Variants in MED12L observed in about 807,000 individuals in gnomAD.
MED12L encodes the protein mediator complex subunit 12L, also known as mediator of RNA polymerase II transcription subunit 12-like protein.
Under a neutral mutation model 281.3 loss-of-function variants are expected in MED12L, and 60 were observed. The observed-to-expected ratio is 0.21, with a 90% confidence interval of 0.17 to 0.26. The LOEUF (loss-of-function observed/expected upper bound fraction) is 0.26, where lower values mean the gene tolerates loss of function less well. MED12L is among the 10% of genes least tolerant of loss of function. The pLI is 1.00. For missense variants in MED12L, 2,146 were observed against 2,680.9 expected, an observed-to-expected ratio of 0.80 and a Z score of 4.41; for synonymous variants, 974 against 987.2, an observed-to-expected ratio of 0.99 and a Z score of 0.25.
intron 39 of MED12L, 44 bp downstream of exon 39, chr3:151,394,911 C>G (rs369001885): frequency 1.9e-6 from 3 of 1,609,812 alleles, no homozygotes; most frequent in Non-Finnish European, 1.7e-6. Flanking sequence ...ATTTTATTAC[C>G]TCTGCTAGCT....
At chr3:151,191,217 C>G (rs934558951) in intron 14 of MED12L, among the ~76,000 whole-genome samples, 1 of 152,162 alleles carries the variant, frequency 6.6e-6, no homozygotes, top group African/African-American at 2.4e-5. Context: ...CTAGATGTTT[C>G]TAATCTCTAG....
At chr3:151,344,458 A>G (rs1160451182) in intron 16 of MED12L, among the ~76,000 whole-genome samples, 1 of 152,200 alleles carries the variant, frequency 6.6e-6, no homozygotes, top group East Asian at 1.9e-4. Context: ...ATTGAAAGAT[A>G]CAGCTGAAAG....
At chr3:151,212,036 A>G (rs1438192757) in intron 16 of MED12L, 1 of 152,238 alleles carries the variant, frequency 6.6e-6, no homozygotes, top group Non-Finnish European at 1.5e-5. Context: ...ATAATTGAGC[A>G]TATAAAGAAA....
intron 16 of MED12L, among the ~76,000 whole-genome samples, chr3:151,287,151 G>A (rs1445347267): frequency 1.3e-5 from 2 of 152,198 alleles, no homozygotes; most frequent in Non-Finnish European, 2.9e-5. Flanking sequence ...AATGTTAAAA[G>A]TTCTAGAAAA....
intron 20 of MED12L, 124 bp downstream of exon 20, chr3:151,357,500 G>T: frequency 1.2e-6 from 1 of 804,048 alleles, no homozygotes; most frequent in Non-Finnish European, 1.8e-6. Flanking sequence ...CATGGTTAAA[G>T]AACACTCTTG....
At position 151,190,840 on chromosome 3, in the gene MED12L, A is replaced by G. The variant is rs1169986692; in HGVS notation, c.1877A>G (p.Asp626Gly). 1 of 1,613,890 alleles carries G rather than the reference A, an allele frequency of 6.2e-7. No homozygotes were observed. Among genetic ancestry groups the G allele is most frequent in the African/African-American group, 1.3e-5 (1 of 74,848 alleles). Residue 626 changes from aspartate to glycine, a missense_variant, in exon 14 of 45, where the codon GAT (aspartate) becomes GGT (glycine). Coordinates refer to ENST00000687756, the MANE Select transcript of MED12L (RefSeq NM_001393769.1). ...ATGTGTACCCTCATATCTCGAGGAG[A>G]TTTGTCAGTCACTGCCTCAACTCGG... is the stretch of plus-strand genomic sequence containing the variant. ...AYMCTLISRG[D>G]LSVTASTRPR...
intron 16 of MED12L, among the ~76,000 whole-genome samples, chr3:151,209,774 C>T (rs1485459587): frequency 6.6e-6 from 1 of 152,162 alleles, no homozygotes; most frequent in East Asian, 1.9e-4. Context: ...ATGACACATA[C>T]TTGACTAACA....
chr3:151,131,817 A>G (rs915142171), intron 5 of MED12L, among the ~76,000 whole-genome samples: 10 of 151,904 alleles, frequency 6.6e-5, no homozygotes, highest in African/African-American at 2.4e-4. Flanking sequence ...TTTTACCATT[A>G]ATTTCCTTAT....
intron 16 of MED12L, among the ~76,000 whole-genome samples, chr3:151,266,066 G>A (rs1486897985): frequency 1.3e-5 from 2 of 152,146 alleles, no homozygotes; most frequent in African/African-American, 4.8e-5. Flanking sequence ...GTGTGCACAG[G>A]TGCCCTTGGC....
At chr3:151,225,370 C>G (rs895942210) in intron 16 of MED12L, among the ~76,000 whole-genome samples, 6 of 152,146 alleles carry the variant, frequency 3.9e-5, no homozygotes, top group African/African-American at 1.4e-4. Flanking sequence ...TCTGGATTCT[C>G]TGAAGCTCAA....
At chr3:151,116,969 T>G (rs1446240416) in intron 3 of MED12L, among the ~76,000 whole-genome samples, 1 of 152,190 alleles carries the variant, frequency 6.6e-6, no homozygotes, top group Non-Finnish European at 1.5e-5. Flanking sequence ...AGGTGATAAT[T>G]TGAGAGGATA....
At chr3:151,223,784 A>G (rs374992849) in intron 16 of MED12L, among the ~76,000 whole-genome samples, 1 of 152,212 alleles carries the variant, frequency 6.6e-6, no homozygotes, top group Non-Finnish European at 1.5e-5. Flanking sequence ...CCAAAAGCTC[A>G]GTGTCACACA....
chr3:151,223,509 C>T (rs1358490531), intron 16 of MED12L, among the ~76,000 whole-genome samples: 2 of 152,158 alleles, frequency 1.3e-5, no homozygotes, highest in African/African-American at 4.8e-5. Context: ...ACTATGCAGC[C>T]ATACAAAAGA....
intron 43 of MED12L, among the ~76,000 whole-genome samples, chr3:151,416,961 C>T (rs1717635856): frequency 6.6e-6 from 1 of 152,204 alleles, no homozygotes; most frequent in Non-Finnish European, 1.5e-5. Flanking sequence ...TCAAAGTTTT[C>T]TAAACCTCAG....
At chr3:151,336,169 A>G (rs576674394) in intron 16 of MED12L, among the ~76,000 whole-genome samples, 1 of 152,318 alleles carries the variant, frequency 6.6e-6, no homozygotes, top group East Asian at 1.9e-4. Flanking sequence ...GTATTCCTAT[A>G]GAACATGTAA....
intron 2 of MED12L, among the ~76,000 whole-genome samples, chr3:151,100,973 A>G (rs879411603): frequency 1.1e-4 from 17 of 152,210 alleles, no homozygotes; most frequent in African/African-American, 1.7e-4. Flanking sequence ...TTAATTTTCA[A>G]TCTGTTGTAG....
chr3:151,165,651 C>A, intron 10 of MED12L, 132 bp downstream of exon 10: 3 of 942,550 alleles, frequency 3.2e-6, no homozygotes, highest in South Asian at 1.6e-5. Context: ...TGAGGACAAT[C>A]TTCAGTTTAT....
intron 11 of MED12L, among the ~76,000 whole-genome samples, chr3:151,173,098 G>A (rs766222066): frequency 3.4e-5 from 5 of 145,364 alleles, no homozygotes; most frequent in African/African-American, 5.3e-5. Context: ...TAACTTTTTT[G>A]TGTGTGTTCT....
At chr3:151,086,710 G>T (rs1021146706) in intron 1 of MED12L, 88 bp from the exon 2 acceptor site, 3 of 415,572 alleles carry the variant, frequency 7.2e-6, no homozygotes, top group Admixed American at 4.3e-5. Context: ...GAGCGCAGCC[G>T]AGTACCCGCC....
Sources: gnomAD v4.1 joint callset for allele counts (sites outside exome capture counted in the v4.1 genomes callset) on GRCh38, gnomAD v4.1.1 for gene constraint, MANE v1.5 for transcripts, NCBI Gene and HGNC (gene_info 2026-07-23, HGNC 2026-07-21) for gene names.